Variants in TENM1 observed in about 807,000 individuals in gnomAD.
The protein encoded by TENM1 is teneurin transmembrane protein 1.
Under a neutral mutation model 174.8 loss-of-function variants are expected in TENM1, and 35 were observed. The ratio of observed to expected loss-of-function variants is 0.20; its 90% CI spans 0.15 to 0.27. TENM1 has a LOEUF of 0.27. Ranked by LOEUF, TENM1 falls within the 10% of genes least tolerant of loss-of-function variation. TENM1 has a pLI of 1.00. For missense variants in TENM1, 1,633 were observed against 2,130.1 expected (o/e 0.77, Z 4.59); for synonymous variants, 781 against 798.7 (o/e 0.98, Z 0.37).
chrX:124,506,866 T>C (rs1199538779), intron 18 of TENM1, among the ~76,000 whole-genome samples: 1 of 111,882 alleles, frequency 8.9e-6, no homozygotes, highest in Non-Finnish European at 1.9e-5. Flanking sequence ...AAATGCCTAC[T>C]TTTTTCACAT....
the TENM1 span, among the ~76,000 whole-genome samples, chrX:125,089,517 T>G: frequency 8.9e-6 from 1 of 112,087 alleles, no homozygotes; most frequent in South Asian, 3.7e-4. Flanking sequence ...GTACTCATAA[T>G]CTAATTGTTG....
intron 22 of TENM1, among the ~76,000 whole-genome samples, chrX:124,468,353 T>G (rs758224527): frequency 9.1e-6 from 1 of 110,403 alleles, no homozygotes; most frequent in African/African-American, 3.3e-5. Context: ...TTCCTTTTTA[T>G]TTTTAGTAGA....
intron 3 of TENM1, among the ~76,000 whole-genome samples, chrX:124,739,505 G>C (rs1569420803): frequency 1.8e-5 from 2 of 111,181 alleles, no homozygotes; most frequent in African/African-American, 6.5e-5. Flanking sequence ...ACGTGTTTTT[G>C]TAAATTAAGT....
intron 1 of TENM1, among the ~76,000 whole-genome samples, chrX:124,908,954 G>A (rs1257617770): frequency 2.7e-5 from 3 of 109,985 alleles, no homozygotes; most frequent in Non-Finnish European, 5.7e-5. Context: ...CACCTCCCGG[G>A]TTCAAGTGAG....
At position 124,508,867 on chromosome X, in the gene TENM1, T is replaced by C. The variant is rs981670285; in HGVS notation, c.3302-5164A>G. Reference sequence around the variant, plus strand: ...TGGGCAGACCCACCATTCCATTATATAGGCAAGGCTAAGGGATCACCCTGA... The same window carrying C: ...TGGGCAGACCCACCATTCCATTATACAGGCAAGGCTAAGGGATCACCCTGA... On this transcript the variant is annotated intron_variant, in intron 18 of 31. Coordinates refer to ENST00000422452, the Ensembl canonical transcript of TENM1. Among the ~76,000 whole-genome samples, 3 of 111,594 alleles carry C rather than the reference T, an allele frequency of 2.7e-5. No individual in the cohort carries two copies. The Admixed American group carries it at 2.9e-4, about 11-fold the overall frequency.
At chrX:125,174,587 A>T in the TENM1 span, among the ~76,000 whole-genome samples, 1 of 111,557 alleles carries the variant, frequency 9.0e-6, no homozygotes. Context: ...TACCAGACTC[A>T]TGTTTTAGTG....
In TENM1 at chrX:124,872,030, C is replaced by CAAAAAA. The variant is rs748541890; in HGVS notation, c.535+22260_535+22265dup. On this transcript the variant is annotated intron_variant, in intron 3 of 31. Coordinates refer to ENST00000422452, the Ensembl canonical transcript of TENM1. Reference sequence around the variant, plus strand: ...CTGGCGACAGAGCGAGACTCTGTCTCAAAAAAAAAAAAAAAAAAAATAGAA... The same window carrying CAAAAAA: ...CTGGCGACAGAGCGAGACTCTGTCTCAAAAAAAAAAAAAAAAAAAAAAAAAATAGAA... Among the ~76,000 whole-genome samples the CAAAAAA allele has an allele frequency of 3.9e-3, 137 of 35,310 alleles. 3 individuals are homozygous for CAAAAAA. The highest frequency in any genetic ancestry group is 0.013 in the African/African-American group (132 of 10,003). 30.7% of individuals were successfully genotyped at this position (35,310 alleles called of 115,157 possible).
At chrX:124,831,857 AAT>A (rs1486481089) in intron 3 of TENM1, among the ~76,000 whole-genome samples, 2 of 111,485 alleles carry the variant, frequency 1.8e-5, no homozygotes, top group African/African-American at 6.5e-5. Context: ...ACCCTCTCCA[AAT>A]ATATGTTTGT....
intron 3 of TENM1, among the ~76,000 whole-genome samples, chrX:124,764,795 T>C (rs895290452): frequency 9.1e-6 from 1 of 110,324 alleles, no homozygotes; most frequent in Non-Finnish European, 1.9e-5. Context: ...TTTGAGGGGT[T>C]AAAAAGGTAT....
rs370698796 is a variant in TENM1 at position 124,851,923 on chromosome X, G to A, written c.535+42373C>T. Among the ~76,000 whole-genome samples, 4 of 111,097 alleles carry A rather than the reference G, an allele frequency of 3.6e-5. No individual in the cohort carries two copies. In the South Asian group the frequency reaches 1.1e-3, roughly 31 times the overall value. ...ATATGTTTTTTTCATAGAGATAAAC[G>A]ATACAGAATGCTCTAAGGTAAAAAA... On this transcript the variant is annotated intron_variant, in intron 3 of 31. Transcript: ENST00000422452.
intron 22 of TENM1, among the ~76,000 whole-genome samples, chrX:124,460,020 C>A (rs2061151574): frequency 9.0e-6 from 1 of 111,640 alleles, no homozygotes; most frequent in African/African-American, 3.3e-5. Context: ...AAATCAAAAC[C>A]ACAATGAGAT....
chrX:125,142,358 C>T, the TENM1 span, among the ~76,000 whole-genome samples: 12 of 111,085 alleles, frequency 1.1e-4, no homozygotes, highest in Non-Finnish European at 5.7e-5. Flanking sequence ...AAAAATTATT[C>T]GTACCACAAT....
At chrX:124,948,494 T>A (rs1236432130) in intron 1 of TENM1, among the ~76,000 whole-genome samples, 1 of 113,090 alleles carries the variant, frequency 8.8e-6, no homozygotes, top group Non-Finnish European at 1.9e-5. Flanking sequence ...TTTTAATCAA[T>A]ACTCTTTCAG....
chrX:124,498,283 T>G (rs748551140), intron 19 of TENM1, among the ~76,000 whole-genome samples: 17 of 111,399 alleles, frequency 1.5e-4, no homozygotes, highest in Non-Finnish European at 3.0e-4. Context: ...TATTCCTACA[T>G]TAGTTTAGTT....
rs550405917 is a variant in TENM1, at chrX:124,712,333, C to T, written c.777-7082G>A. Among the ~76,000 whole-genome samples, 7 of 111,268 alleles carry T rather than the reference C, an allele frequency of 6.3e-5. 1 individual carries two copies. The South Asian group carries it at 2.7e-3, about 43-fold the overall frequency. The stretch of plus-strand genomic sequence containing the variant: ...ACCATGTACAAGGGTTCCAATTTCT[C>T]CACATCCTCACCAATACTTGTAATT... On this transcript the variant is annotated intron_variant, in intron 4 of 31. Transcript: ENST00000422452.
intron 25 of TENM1, among the ~76,000 whole-genome samples, chrX:124,413,786 C>G (rs1470803047): frequency 8.9e-6 from 1 of 112,528 alleles, no homozygotes; most frequent in African/African-American, 3.2e-5. Context: ...AGGCATGTGC[C>G]TGAACCATAC....
intron 11 of TENM1, among the ~76,000 whole-genome samples, chrX:124,588,164 C>T (rs960890092): frequency 9.0e-6 from 1 of 111,334 alleles, no homozygotes; most frequent in Non-Finnish European, 1.9e-5. Flanking sequence ...CTAGAAATAC[C>T]ATTTGACCCA....
the TENM1 span, among the ~76,000 whole-genome samples, chrX:125,102,415 CATAAT>C: frequency 9.0e-6 from 1 of 110,635 alleles, no homozygotes; most frequent in Non-Finnish European, 1.9e-5. Context: ...AAAACCCAAC[CATAAT>C]AACAATTTAA....
At chrX:124,724,741 G>T (rs1306116724) in intron 4 of TENM1, among the ~76,000 whole-genome samples, 1 of 111,802 alleles carries the variant, frequency 8.9e-6, no homozygotes, top group African/African-American at 3.3e-5. Context: ...GGATGCAGTG[G>T]GTCATGATTG....
Sources: gnomAD v4.1 joint callset for allele counts (sites outside exome capture counted in the v4.1 genomes callset) on GRCh38, gnomAD v4.1.1 for gene constraint, MANE v1.5 for transcripts, NCBI Gene and HGNC (gene_info 2026-07-23, HGNC 2026-07-21) for gene names.